Variants in TSPEAR observed in about 807,000 individuals in gnomAD.
TSPEAR encodes thrombospondin-type laminin G domain and EAR repeat-containing protein.
Under a neutral mutation model 71.6 loss-of-function variants are expected in TSPEAR, and 69 were observed. The ratio of observed to expected loss-of-function variants is 0.96; its 90% CI spans 0.79 to 1.18. TSPEAR has a LOEUF of 1.18. Ranked by LOEUF, TSPEAR falls within the 50% of genes most tolerant of loss-of-function variation. The pLI, the probability that TSPEAR is intolerant of heterozygous loss-of-function variation, is 0.00. For synonymous variants in TSPEAR, 402 were observed against 387.2 expected, an observed-to-expected ratio of 1.04 and a Z score of -0.45; for missense variants, 971 against 894.9, an observed-to-expected ratio of 1.09 and a Z score of -1.09.
At chr21:44,539,786 C>G (rs369806341) in intron 2 of TSPEAR, 4 of 1,611,930 alleles carry the variant, frequency 2.5e-6, no homozygotes, top group Non-Finnish European at 3.4e-6. Flanking sequence ...AGACTGCTGG[C>G]AGCATGAAGA....
chr21:44,555,158 A>G (rs587646106), intron 2 of TSPEAR, among the ~76,000 whole-genome samples: 104 of 152,364 alleles, frequency 6.8e-4, no homozygotes, highest in Non-Finnish European at 1.1e-3. Flanking sequence ...AGAGAAGACC[A>G]TGAAAACGTG....
At chr21:44,658,345 C>A in intron 1 of TSPEAR, 1 of 1,407,538 alleles carries the variant, frequency 7.1e-7, no homozygotes, top group Non-Finnish European at 9.9e-7. Context: ...CCCCAGATTG[C>A]ACACATAGGG....
At chr21:44,503,977 GGC>G (rs2052119896) in intron 11 of TSPEAR, among the ~76,000 whole-genome samples, 3 of 122,404 alleles carry the variant, frequency 2.5e-5, no homozygotes, top group African/African-American at 3.5e-5. Flanking sequence ...GTGAGCCCTC[GGC>G]GGGGAAGCAA....
At chr21:44,658,891 G>A (rs1985329222) in intron 1 of TSPEAR, among the ~76,000 whole-genome samples, 1 of 152,140 alleles carries the variant, frequency 6.6e-6, no homozygotes, top group African/African-American at 2.4e-5. Context: ...CCTCTACCCA[G>A]AAGGATGGAC....
At chr21:44,626,997 C>A (rs1982833306) in intron 1 of TSPEAR, 1 of 1,012,286 alleles carries the variant, frequency 9.9e-7, no homozygotes, top group East Asian at 2.6e-5. Flanking sequence ...CTAATCATGG[C>A]AGACGCCGCC....
At chr21:44,584,522 A>AT (rs1179261054) in intron 1 of TSPEAR, among the ~76,000 whole-genome samples, 1 of 152,216 alleles carries the variant, frequency 6.6e-6, no homozygotes, top group African/African-American at 2.4e-5. Context: ...TAATGGCTGC[A>AT]TGTAACAGCT....
Position 44,542,013 on chromosome 21 carries a change from C to T in TSPEAR, c.304-8090G>A, listed in dbSNP as rs1461179407. ...GAAAAAAACAAACAAGAGAAACAGA[C>T]GTGCAGGAGATCTAGATATTAGAAT... On this transcript the variant is annotated intron_variant, in intron 2 of 11. Coordinates refer to ENST00000323084, the MANE Select transcript of TSPEAR (RefSeq NM_144991.3). 5.3e-5 allele frequency among the ~76,000 whole-genome samples: 8 copies of T among 152,230 alleles called. No homozygotes were observed. In the East Asian group the frequency reaches 1.2e-3, roughly 22 times the overall value.
In TSPEAR at chr21:44,603,577, G is replaced by A. The variant is rs587697641; in HGVS notation, c.83-35572C>T. Reference sequence around the variant, plus strand: ...CACGCCCCGGGTGTGAACTTCAGGGGAGGTGTGCTGTGGGGCAGAAACATC... The same window carrying A: ...CACGCCCCGGGTGTGAACTTCAGGGAAGGTGTGCTGTGGGGCAGAAACATC... On this transcript the variant is annotated intron_variant, in intron 1 of 11. Transcript: ENST00000323084. Among the ~76,000 whole-genome samples, 20 of 152,338 alleles carry A rather than the reference G, an allele frequency of 1.3e-4. No homozygotes were observed. The South Asian group carries it at 3.9e-3, about 30-fold the overall frequency.
intron 8 of TSPEAR, among the ~76,000 whole-genome samples, chr21:44,523,510 G>GT (rs1417200681): frequency 6.6e-6 from 1 of 151,794 alleles, no homozygotes; most frequent in Non-Finnish European, 1.5e-5. Flanking sequence ...TAGGCAGTCA[G>GT]TCGTCAGTCA....
chr21:44,521,335 G>A (rs1382561308), intron 9 of TSPEAR, among the ~76,000 whole-genome samples: 5 of 152,200 alleles, frequency 3.3e-5, no homozygotes. Flanking sequence ...TGCCCCTGGA[G>A]GTGGCCTAAT....
At chr21:44,704,541 C>A (rs12482533) in intron 1 of TSPEAR, among the ~76,000 whole-genome samples, 21,222 of 152,258 alleles carry the variant, frequency 0.14, 1,844 homozygotes, top group South Asian at 0.27. Context: ...ACACACCAGA[C>A]TTCCAAGGGG....
intron 1 of TSPEAR, among the ~76,000 whole-genome samples, chr21:44,650,050 C>T (rs1377307920): frequency 6.6e-6 from 1 of 152,128 alleles, no homozygotes; most frequent in Non-Finnish European, 1.5e-5. Flanking sequence ...AGTGAGACCC[C>T]ATCTCCACAG....
intron 1 of TSPEAR, among the ~76,000 whole-genome samples, chr21:44,669,821 A>G (rs116425060): frequency 2.1e-4 from 32 of 152,312 alleles, no homozygotes; most frequent in African/African-American, 6.7e-4. Context: ...ACTAACAAAC[A>G]AATTGTGGAA....
At chr21:44,693,130 T>C (rs1002620796) in intron 1 of TSPEAR, among the ~76,000 whole-genome samples, 10 of 152,126 alleles carry the variant, frequency 6.6e-5, no homozygotes, top group African/African-American at 2.4e-4. Context: ...CTTCAACAAA[T>C]GGTGTTAGGA....
At chr21:44,682,562 C>G (rs1379204469) in intron 1 of TSPEAR, among the ~76,000 whole-genome samples, 2 of 152,208 alleles carry the variant, frequency 1.3e-5, no homozygotes, top group Non-Finnish European at 2.9e-5. Context: ...TGAAATCATA[C>G]TGGGGAACCT....
At chr21:44,697,048 G>A in intron 1 of TSPEAR, 2 of 866,614 alleles carry the variant, frequency 2.3e-6, no homozygotes, top group Non-Finnish European at 3.1e-6. Flanking sequence ...CCTCCCTCCT[G>A]CCCATCCAGC....
At chr21:44,521,522 C>A (rs1601355370) in intron 9 of TSPEAR, among the ~76,000 whole-genome samples, 1 of 152,228 alleles carries the variant, frequency 6.6e-6, no homozygotes. Context: ...CATACAGACT[C>A]AGATTAGACC....
At chr21:44,536,386 A>G (rs1396043898) in intron 2 of TSPEAR, among the ~76,000 whole-genome samples, 5 of 152,012 alleles carry the variant, frequency 3.3e-5, no homozygotes, top group African/African-American at 9.7e-5. Flanking sequence ...TTCTTTTTCT[A>G]TCTGGTAATT....
chr21:44,659,977 C>T (rs1359755895), intron 1 of TSPEAR, among the ~76,000 whole-genome samples: 2 of 152,110 alleles, frequency 1.3e-5, no homozygotes, highest in African/African-American at 2.4e-5. Context: ...AATCAAAATA[C>T]GGTATCACAG....
Sources: gnomAD v4.1 joint callset for allele counts (sites outside exome capture counted in the v4.1 genomes callset) on GRCh38, gnomAD v4.1.1 for gene constraint, MANE v1.5 for transcripts, NCBI Gene and HGNC (gene_info 2026-07-23, HGNC 2026-07-21) for gene names.